The following CAMK2G variants were observed in gnomAD, a reference collection of about 807,000 sequenced individuals.
CAMK2G encodes the protein calcium/calmodulin dependent protein kinase II gamma.
CAMK2G carries 23 observed loss-of-function variants against 88.7 expected under a neutral mutation model. The observed-to-expected ratio is 0.26, with a 90% CI of 0.19 to 0.37. CAMK2G has a LOEUF of 0.37. CAMK2G is among the 10% of genes least tolerant of loss of function. The pLI, the probability that CAMK2G is intolerant of heterozygous loss-of-function variation, is 1.00. For missense variants in CAMK2G, 476 were observed against 780.8 expected, an observed-to-expected ratio of 0.61 and a Z score of 4.65; for synonymous variants, 263 against 294.8, an observed-to-expected ratio of 0.89 and a Z score of 1.11.
chr10:73,822,175 T>G (rs988771679), intron 17 of CAMK2G, among the ~76,000 whole-genome samples: 1 of 151,882 alleles, frequency 6.6e-6, no homozygotes, highest in Non-Finnish European at 1.5e-5. Flanking sequence ...CCCTAGAGTT[T>G]TTCTTTTTTG....
chr10:73,822,444 G>A (rs556989548), intron 17 of CAMK2G, among the ~76,000 whole-genome samples: 8 of 152,142 alleles, frequency 5.3e-5, no homozygotes, highest in South Asian at 2.1e-4. Context: ...CAGGGATTAC[G>A]GGCGTGAGCC....
Position 73,851,138 on chromosome 10 carries a change from G to A in CAMK2G, c.341+1116C>T, listed in dbSNP as rs191237597. 2.4e-3 allele frequency among the ~76,000 whole-genome samples: 373 copies of A among 152,346 alleles called. 1 individual carries two copies. Among genetic ancestry groups the A allele is most frequent in the African/African-American group, 8.3e-3 (347 of 41,576 alleles). On this transcript the variant is annotated intron_variant, in intron 5 of 22. Coordinates refer to ENST00000423381, the MANE Select transcript of CAMK2G (RefSeq NM_001367534.1). ...AGGCTGAAGCATCTGAAGTTGATCA[G>A]CAAACATTGGCCTCTCAAGGTTGAG...
chr10:73,868,528 T>C (rs1476754914), intron 2 of CAMK2G, among the ~76,000 whole-genome samples: 2 of 152,230 alleles, frequency 1.3e-5, no homozygotes, highest in African/African-American at 2.4e-5. Context: ...ATCACTGATA[T>C]GCAGGATGCC....
At chr10:73,818,991 G>A (rs776647144) in intron 19 of CAMK2G, 16 of 360,074 alleles carry the variant, frequency 4.4e-5, no homozygotes, top group South Asian at 1.4e-4. Context: ...TCTGAGGTGC[G>A]TGCCATTTTA....
intron 15 of CAMK2G, among the ~76,000 whole-genome samples, chr10:73,826,006 G>A (rs901487334): frequency 5.3e-5 from 8 of 152,186 alleles, no homozygotes; most frequent in Non-Finnish European, 1.0e-4. Context: ...GTGTTCCGGG[G>A]AGGGGCAGGT....
chr10:73,860,311 C>T (rs111622379), intron 3 of CAMK2G, among the ~76,000 whole-genome samples: 4,399 of 152,258 alleles, frequency 0.029, 130 homozygotes, highest in African/African-American at 0.072. Flanking sequence ...TGAGTGGTTC[C>T]TGCCATCCCT....
At chr10:73,824,477 A>G (rs2133567716) in intron 16 of CAMK2G, among the ~76,000 whole-genome samples, 1 of 152,306 alleles carries the variant, frequency 6.6e-6, no homozygotes. Flanking sequence ...CATCACGGGG[A>G]ATGTGTGAGG....
chr10:73,873,794 C>A (rs1170104688), intron 1 of CAMK2G, among the ~76,000 whole-genome samples: 1 of 117,718 alleles, frequency 8.5e-6, no homozygotes, highest in African/African-American at 3.3e-5. Flanking sequence ...GGGGCCGGGG[C>A]TGCTGCAGCG....
intron 1 of CAMK2G, among the ~76,000 whole-genome samples, 177 bp downstream of exon 1, chr10:73,874,220 G>A (rs1239172707): frequency 2.0e-5 from 3 of 149,624 alleles, no homozygotes; most frequent in Non-Finnish European, 4.5e-5. Context: ...GGGCGCGGAG[G>A]GGGATGCGGG....
intron 4 of CAMK2G, 96 bp from the exon 5 acceptor site, chr10:73,852,415 T>C: frequency 1.0e-6 from 1 of 962,758 alleles, no homozygotes; most frequent in Non-Finnish European, 1.7e-6. Flanking sequence ...TAGAATGGCT[T>C]TCAGAGAAAT....
intron 19 of CAMK2G, chr10:73,818,775 G>A (rs1589767290): frequency 4.4e-6 from 2 of 456,118 alleles, no homozygotes; most frequent in African/African-American, 4.0e-5. Context: ...AACCCCACCA[G>A]ACCCATCTGG....
At position 73,873,180 on chromosome 10, in the gene CAMK2G, C is replaced by T. The variant is rs1013569585; in HGVS notation, c.66-97G>A. The T allele has an allele frequency of 3.0e-6, 3 of 1,000,936 alleles. No individual in the cohort carries two copies. In the African/African-American group the frequency reaches 4.7e-5, roughly 16 times the overall value. The allele number at this position is 1,000,936 out of a possible 1,614,324, so 62.0% of individuals were successfully genotyped here. The stretch of plus-strand genomic sequence containing the variant: ...GGACGATGATGCTCCCACCACCAGA[C>T]CTCTAGTCACACTCACGTACATGCA... On this transcript the variant is annotated intron_variant, in intron 1 of 22. Coordinates refer to ENST00000423381, the MANE Select transcript of CAMK2G (RefSeq NM_001367534.1).
rs2084788461 is a variant in CAMK2G at position 73,814,429 on chromosome 10, G to A, written c.*89C>T. On this transcript the variant is annotated 3_prime_UTR_variant, in exon 23 of 23. Coordinates refer to ENST00000423381, the MANE Select transcript of CAMK2G (RefSeq NM_001367534.1). ...ATTGTTTTAAACCTCAAACAAACAG[G>A]ACTGCCGCTGTCACTCAGGCCCTCC... 1 of 155,190 alleles carries A rather than the reference G, an allele frequency of 6.4e-6. No individual in the cohort carries two copies. Among genetic ancestry groups the A allele is most frequent in the Non-Finnish European group, 1.4e-5 (1 of 69,536 alleles). The allele number at this position is 155,190 out of a possible 1,614,324, so 9.6% of individuals were successfully genotyped here. A position where few individuals can be genotyped will look rare whatever the true frequency, so the allele number is the denominator to read the frequency against.
chr10:73,870,319 A>G (rs1565539254), intron 2 of CAMK2G, among the ~76,000 whole-genome samples: 1 of 152,130 alleles, frequency 6.6e-6, no homozygotes, highest in Non-Finnish European at 1.5e-5. Flanking sequence ...AAACGGAGTG[A>G]CGTTATGTGA....
intron 1 of CAMK2G, 91 bp downstream of exon 1, chr10:73,874,306 A>G (rs1240067984): frequency 1.4e-6 from 1 of 717,758 alleles, no homozygotes; most frequent in Non-Finnish European, 1.8e-6. Flanking sequence ...GGGGAGCCGC[A>G]GCGGCCGGTG....
chr10:73,873,154 G>T, intron 1 of CAMK2G, 71 bp from the exon 2 acceptor site: 2 of 1,153,790 alleles, frequency 1.7e-6, no homozygotes, highest in African/African-American at 1.5e-5. Flanking sequence ...TTCAAGTCTG[G>T]GGACGATGAT....
chr10:73,867,408 G>T (rs1387809178), intron 2 of CAMK2G, among the ~76,000 whole-genome samples: 2 of 152,252 alleles, frequency 1.3e-5, no homozygotes, highest in Non-Finnish European at 2.9e-5. Context: ...ATGCCCCCCG[G>T]CAGGGCTCCC....
rs775738217 is a variant in CAMK2G at position 73,828,079 on chromosome 10, C to T, written c.1086+10G>A. ...ATGGAGTGGGCGATGGGTGGGCAGG[C>T]AAGGCTCACCATTAGGTGCACGCTG... On this transcript the variant is annotated intron_variant, in intron 15 of 22. Coordinates refer to ENST00000423381, the MANE Select transcript of CAMK2G (RefSeq NM_001367534.1). 7.0e-5 allele frequency: 113 copies of T among 1,612,012 alleles called. No individual in the cohort carries two copies. Among genetic ancestry groups the T allele is most frequent in the Non-Finnish European group, 9.2e-5 (108 of 1,178,226 alleles).
chr10:73,856,248 C>T (rs1056896613), intron 3 of CAMK2G, among the ~76,000 whole-genome samples: 4 of 152,168 alleles, frequency 2.6e-5, no homozygotes, highest in Admixed American at 6.5e-5. Context: ...ACTGAGGCTC[C>T]ATAAGAAACC....
Sources: gnomAD v4.1 joint callset for allele counts (sites outside exome capture counted in the v4.1 genomes callset) on GRCh38, gnomAD v4.1.1 for gene constraint, MANE v1.5 for transcripts, NCBI Gene and HGNC (gene_info 2026-07-23, HGNC 2026-07-21) for gene names.